CMSS1: variants seen among roughly 807,000 people sequenced by gnomAD.
The protein encoded by CMSS1 is cms1 ribosomal small subunit homolog.
Under a neutral mutation model 43.5 loss-of-function variants are expected in CMSS1, and 33 were observed. The observed-to-expected ratio is 0.76, with a 90% CI of 0.57 to 1.01. The LOEUF (loss-of-function observed/expected upper bound fraction) is 1.01, where lower values mean the gene tolerates loss of function less well. Ranked by LOEUF, CMSS1 falls within the 50% of genes least tolerant of loss-of-function variation. CMSS1 has a pLI of 0.00. For missense variants in CMSS1, 313 were observed against 326.4 expected (o/e 0.96, Z 0.32); for synonymous variants, 115 against 117.2 (o/e 0.98, Z 0.12).
chr3:99,841,211 T>C (rs982215213), intron 1 of CMSS1, among the ~76,000 whole-genome samples: 1 of 152,260 alleles, frequency 6.6e-6, no homozygotes, highest in Non-Finnish European at 1.5e-5. Flanking sequence ...ACTCACTTGA[T>C]TGACAGATTG....
intron 1 of CMSS1, among the ~76,000 whole-genome samples, chr3:99,973,435 T>C (rs1708880202): frequency 1.3e-5 from 2 of 152,204 alleles, no homozygotes. Flanking sequence ...CACATATTCA[T>C]ATAAAATAGA....
At chr3:99,830,402 CA>C (rs1253072640) in intron 1 of CMSS1, 1 of 424,834 alleles carries the variant, frequency 2.4e-6, no homozygotes, top group Non-Finnish European at 4.8e-6. Flanking sequence ...CCAGGCAGTG[CA>C]TTGGTATGAG....
chr3:100,163,846 C>G (rs1204988392), intron 4 of CMSS1, among the ~76,000 whole-genome samples: 1 of 152,190 alleles, frequency 6.6e-6, no homozygotes, highest in African/African-American at 2.4e-5. Flanking sequence ...TTATAGACTA[C>G]TAGGCATATC....
intron 1 of CMSS1, among the ~76,000 whole-genome samples, chr3:100,023,006 G>A (rs952450047): frequency 9.9e-5 from 15 of 152,152 alleles, no homozygotes; most frequent in South Asian, 8.3e-4. Context: ...TTTGCCTGCT[G>A]TTAGAGTAGC....
intron 1 of CMSS1, among the ~76,000 whole-genome samples, chr3:100,047,819 A>G (rs1412603872): frequency 6.6e-6 from 1 of 152,042 alleles, no homozygotes; most frequent in Non-Finnish European, 1.5e-5. Flanking sequence ...TGCTCTCCCC[A>G]GAAGGCATTT....
At chr3:99,900,925 G>T (rs964343741) in intron 1 of CMSS1, among the ~76,000 whole-genome samples, 1 of 152,230 alleles carries the variant, frequency 6.6e-6, no homozygotes, top group Non-Finnish European at 1.5e-5. Flanking sequence ...GAGTATGCCT[G>T]AGGGGAAGGG....
intron 1 of CMSS1, among the ~76,000 whole-genome samples, chr3:99,992,736 G>C (rs1709561161): frequency 6.6e-6 from 1 of 151,592 alleles, no homozygotes; most frequent in Non-Finnish European, 1.5e-5. Context: ...TAAATTCTTT[G>C]CCTAGGCCAA....
intron 1 of CMSS1, among the ~76,000 whole-genome samples, chr3:99,929,587 C>T (rs1039589248): frequency 1.3e-5 from 2 of 151,292 alleles, no homozygotes; most frequent in Admixed American, 6.6e-5. Flanking sequence ...TGTGTATGTG[C>T]CTGCACATGC....
chr3:99,846,342 A>G lies in CMSS1; in HGVS notation c.64+28299A>G, dbSNP rs567934783. ...TCTGATTTCCATTGTTCATAATTTT[A>G]TGATCAGTTGATCGATGCCTTCCAA... On this transcript the variant is annotated intron_variant, in intron 1 of 9. Coordinates refer to ENST00000421999, the MANE Select transcript of CMSS1 (RefSeq NM_032359.4). 1.6e-4 allele frequency among the ~76,000 whole-genome samples: 24 copies of G among 152,364 alleles called. No homozygotes were observed. In the Middle Eastern group the frequency reaches 0.01, roughly 65 times the overall value.
intron 1 of CMSS1, among the ~76,000 whole-genome samples, chr3:100,116,836 C>G (rs1299412315): frequency 6.6e-6 from 1 of 152,112 alleles, no homozygotes; most frequent in Non-Finnish European, 1.5e-5. Flanking sequence ...GGTAAGGGCC[C>G]CTTTGGCCCT....
At chr3:99,852,394 G>T (rs1434038075) in intron 1 of CMSS1, among the ~76,000 whole-genome samples, 2 of 152,104 alleles carry the variant, frequency 1.3e-5, no homozygotes, top group Non-Finnish European at 2.9e-5. Flanking sequence ...CCTTATCACA[G>T]AACTTACTTT....
intron 1 of CMSS1, among the ~76,000 whole-genome samples, chr3:100,092,162 T>A (rs908606114): frequency 2.0e-5 from 3 of 152,244 alleles, no homozygotes; most frequent in Non-Finnish European, 4.4e-5. Context: ...TCTAAAACTT[T>A]TTATCATGGC....
rs566985547 is a variant in CMSS1 at position 100,174,669 on chromosome 3, A to G, written c.668-1658A>G. 7.2e-4 allele frequency among the ~76,000 whole-genome samples: 110 copies of G among 152,342 alleles called. No individual in the cohort carries two copies. In the South Asian group the frequency reaches 0.022, roughly 31 times the overall value. ...GCACCCTAAAAGTGAAAAATCTAAC[A>G]GAGTGACACCAATAGCATATATGTA... On this transcript the variant is annotated intron_variant, in intron 8 of 9. Transcript: ENST00000421999.
intron 1 of CMSS1, among the ~76,000 whole-genome samples, chr3:100,070,297 A>G (rs1390627966): frequency 2.0e-5 from 3 of 152,220 alleles, no homozygotes; most frequent in South Asian, 2.1e-4. Context: ...ATTGATCACC[A>G]TAATACTTGA....
At chr3:100,037,441 A>C (rs922466073) in intron 1 of CMSS1, among the ~76,000 whole-genome samples, 10 of 152,146 alleles carry the variant, frequency 6.6e-5, no homozygotes, top group Non-Finnish European at 1.2e-4. Flanking sequence ...AGATTAAAAC[A>C]AAGCAAACAG....
chr3:99,844,857 T>G (rs1267565497), intron 1 of CMSS1, among the ~76,000 whole-genome samples: 1 of 152,182 alleles, frequency 6.6e-6, no homozygotes, highest in Non-Finnish European at 1.5e-5. Context: ...ACTCTCTCGC[T>G]CTCTTGCTGC....
At chr3:100,118,436 T>C (rs1422642636) in intron 1 of CMSS1, among the ~76,000 whole-genome samples, 1 of 152,130 alleles carries the variant, frequency 6.6e-6, no homozygotes, top group Non-Finnish European at 1.5e-5. Flanking sequence ...TCCTGATCAG[T>C]CAGCTTTGAA....
At chr3:100,132,818 CAAA>C (rs537334560) in intron 1 of CMSS1, among the ~76,000 whole-genome samples, 4 of 66,358 alleles carry the variant, frequency 6.0e-5, no homozygotes, top group East Asian at 9.3e-4. Flanking sequence ...GACTCCATCC[CAAA>C]AAAAAAAAAA....
intron 1 of CMSS1, among the ~76,000 whole-genome samples, chr3:99,967,209 G>C (rs1708680311): frequency 3.3e-5 from 5 of 152,192 alleles, no homozygotes. Flanking sequence ...CCCCACCTCT[G>C]ACTTTGAGCA....
Sources: allele counts gnomAD v4.1 joint callset (sites outside exome capture counted in the v4.1 genomes callset), GRCh38; gene constraint gnomAD v4.1.1; transcripts MANE v1.5; gene names NCBI Gene and HGNC (gene_info 2026-07-23, HGNC 2026-07-21).